TOX: variants seen among roughly 807,000 people sequenced by gnomAD.
TOX encodes the protein thymocyte selection-associated high mobility group box protein TOX.
Under a neutral mutation model 53.7 loss-of-function variants are expected in TOX, and 11 were observed. The ratio of observed to expected loss-of-function variants is 0.20; its 90% CI spans 0.13 to 0.34. TOX has a LOEUF of 0.34. Among genes scored for constraint, TOX ranks in the 10% least tolerant of loss-of-function variants. The pLI, the probability that TOX is intolerant of heterozygous loss-of-function variation, is 1.00. For missense variants in TOX, 570 were observed against 664.6 expected (o/e 0.86, Z 1.56); for synonymous variants, 225 against 245.3 (o/e 0.92, Z 0.77).
intron 1 of TOX, among the ~76,000 whole-genome samples, chr8:59,058,540 C>T (rs924455803): frequency 5.3e-5 from 8 of 152,080 alleles, no homozygotes; most frequent in Non-Finnish European, 1.0e-4. Flanking sequence ...CACTAAGTTC[C>T]GGAAGAAGGC....
At chr8:58,993,815 G>A (rs1226001718) in intron 1 of TOX, among the ~76,000 whole-genome samples, 1 of 151,844 alleles carries the variant, frequency 6.6e-6, no homozygotes. Context: ...TACTGTAGAG[G>A]TTCTGGCAAT....
chr8:58,979,062 G>A (rs1040322776), intron 1 of TOX, among the ~76,000 whole-genome samples: 1 of 152,114 alleles, frequency 6.6e-6, no homozygotes, highest in African/African-American at 2.4e-5. Flanking sequence ...TTAGGGAAGG[G>A]TTACAGAAAA....
intron 3 of TOX, among the ~76,000 whole-genome samples, chr8:58,937,252 G>C (rs754601570): frequency 3.3e-5 from 5 of 152,298 alleles, no homozygotes; most frequent in East Asian, 1.9e-4. Flanking sequence ...TTTATCTTAG[G>C]CCAAATAGTA....
chr8:58,994,015 G>A (rs759294336), intron 1 of TOX, among the ~76,000 whole-genome samples: 9 of 152,186 alleles, frequency 5.9e-5, no homozygotes, highest in Admixed American at 6.5e-5. Context: ...CTAGATCCAC[G>A]ACATATTCTT....
chr8:58,964,025 G>C (rs912329991), intron 1 of TOX, among the ~76,000 whole-genome samples: 1 of 152,062 alleles, frequency 6.6e-6, no homozygotes. Flanking sequence ...GTGACTCAAA[G>C]TCTTACAGTG....
intron 3 of TOX, among the ~76,000 whole-genome samples, chr8:58,884,266 A>G (rs559710040): frequency 5.3e-5 from 8 of 152,294 alleles, no homozygotes; most frequent in African/African-American, 1.2e-4. Context: ...GGGATGAAGC[A>G]CAGCATATAC....
At chr8:58,878,149 T>C (rs1811317160) in intron 3 of TOX, among the ~76,000 whole-genome samples, 1 of 152,034 alleles carries the variant, frequency 6.6e-6, no homozygotes, top group African/African-American at 2.4e-5. Context: ...ACAATTCTTT[T>C]CCCTTTTTTA....
In TOX at chr8:59,117,797, G is replaced by GTAGA. The variant is rs1188324347; in HGVS notation, c.102+1088_102+1089insTCTA. On this transcript the variant is annotated intron_variant, in intron 1 of 8. Coordinates refer to ENST00000361421, the MANE Select transcript of TOX (RefSeq NM_014729.3). The surrounding 1 kb of genome is among the most constrained non-coding windows in gnomAD (Gnocchi z 4.6). ...ATTTATCACCAAGCGAGAGTTGGGC[G>GTAGA]TCTAAAAGGCCCGCCCAGCGTTTTA... is the stretch of plus-strand genomic sequence containing the variant. 2.0e-5 allele frequency among the ~76,000 whole-genome samples: 3 copies of GTAGA among 152,216 alleles called. No individual in the cohort carries two copies. Among genetic ancestry groups the GTAGA allele is most frequent in the Non-Finnish European group, 4.4e-5 (3 of 68,040 alleles).
intron 1 of TOX, among the ~76,000 whole-genome samples, chr8:58,975,116 T>C (rs1185350131): frequency 6.6e-6 from 1 of 151,942 alleles, no homozygotes; most frequent in Non-Finnish European, 1.5e-5. Flanking sequence ...TTATAATTTA[T>C]GTTTACCTAT....
At chr8:58,853,042 C>A (rs949609575) in intron 3 of TOX, among the ~76,000 whole-genome samples, 2 of 152,164 alleles carry the variant, frequency 1.3e-5, no homozygotes, top group African/African-American at 4.8e-5. Flanking sequence ...TTTTACCAAT[C>A]TAGTTAGATT....
rs558943103 is a variant in TOX, at chr8:58,806,049, C to T, written c.*1698G>A. ...CAGACTAACTTTCTTGATATGATCC[C>T]CTAAAAAGGAGTAAATCTGCTAGCT... On this transcript the variant is annotated 3_prime_UTR_variant, in exon 9 of 9. Transcript: ENST00000361421. The T allele has an allele frequency of 2.6e-5, 4 of 152,684 alleles. No homozygotes were observed. The South Asian group carries it at 8.3e-4, about 32-fold the overall frequency. 9.5% of individuals were successfully genotyped at this position (152,684 alleles called of 1,614,324 possible). A position where few individuals can be genotyped will look rare whatever the true frequency, so the allele number is the denominator to read the frequency against.
intron 1 of TOX, among the ~76,000 whole-genome samples, chr8:58,987,512 C>T (rs1813354850): frequency 6.6e-6 from 1 of 152,072 alleles, no homozygotes; most frequent in Non-Finnish European, 1.5e-5. Flanking sequence ...ACATTATAAA[C>T]CGATGAAGAG....
chr8:58,909,849 G>T (rs1414545483), intron 3 of TOX, among the ~76,000 whole-genome samples: 1 of 151,984 alleles, frequency 6.6e-6, no homozygotes, highest in East Asian at 1.9e-4. Context: ...GTAGAGACAG[G>T]GTTTGATCAT....
At chr8:58,915,124 G>C (rs1223298335) in intron 3 of TOX, among the ~76,000 whole-genome samples, 1 of 151,288 alleles carries the variant, frequency 6.6e-6, no homozygotes, top group Admixed American at 6.6e-5. Context: ...GAGGCTGGGG[G>C]AGGGGCGCCC....
chr8:59,067,029 T>C (rs1178542210), intron 1 of TOX, among the ~76,000 whole-genome samples: 1 of 151,962 alleles, frequency 6.6e-6, no homozygotes, highest in Non-Finnish European at 1.5e-5. Flanking sequence ...GAGGGGAAGG[T>C]TTTGTGAAAT....
intron 1 of TOX, among the ~76,000 whole-genome samples, chr8:59,028,150 C>T (rs1563422982): frequency 6.6e-6 from 1 of 152,104 alleles, no homozygotes; most frequent in African/African-American, 2.4e-5. Flanking sequence ...TTTAATATTG[C>T]TAATCAAAAC....
At chr8:58,931,753 T>C (rs906104800) in intron 3 of TOX, among the ~76,000 whole-genome samples, 5 of 152,200 alleles carry the variant, frequency 3.3e-5, no homozygotes, top group African/African-American at 4.8e-5. Context: ...AGTTTGCTTA[T>C]AGCATATTAT....
intron 1 of TOX, among the ~76,000 whole-genome samples, chr8:59,002,811 G>A (rs1254349986): frequency 6.6e-6 from 1 of 152,094 alleles, no homozygotes; most frequent in Non-Finnish European, 1.5e-5. Flanking sequence ...AGTCATTAAC[G>A]TTAAAGCAGT....
intron 1 of TOX, among the ~76,000 whole-genome samples, chr8:59,042,650 CATCTA>C (rs1803612628): frequency 6.6e-6 from 1 of 152,142 alleles, no homozygotes; most frequent in South Asian, 2.1e-4. Context: ...TAGATGTCTA[CATCTA>C]ATCTTATTTG....
Sources: gnomAD v4.1 joint callset for allele counts (sites outside exome capture counted in the v4.1 genomes callset) on GRCh38, gnomAD v4.1.1 for gene constraint, Gnocchi (gnomAD v3.1) non-coding constraint, MANE v1.5 for transcripts, NCBI Gene and HGNC (gene_info 2026-07-23, HGNC 2026-07-21) for gene names.